The following SSBP2 variants were observed in gnomAD, a reference collection of about 807,000 sequenced individuals.
SSBP2 encodes the protein single stranded DNA binding protein 2.
SSBP2 carries 17 observed loss-of-function variants against 61.8 expected under a neutral mutation model. That is an observed-to-expected ratio of 0.28 (90% CI 0.19 to 0.41). The LOEUF is 0.41. SSBP2 is among the 10% of genes least tolerant of loss of function. The pLI is 1.00. For synonymous variants in SSBP2, 139 were observed against 141.3 expected, an observed-to-expected ratio of 0.98 and a Z score of 0.12; for missense variants, 310 against 458.7, an observed-to-expected ratio of 0.68 and a Z score of 2.96.
chr5:81,705,828 A>C (rs1168161238), intron 1 of SSBP2, among the ~76,000 whole-genome samples: 2 of 152,226 alleles, frequency 1.3e-5, no homozygotes, highest in East Asian at 3.8e-4. Context: ...ATGTTATATT[A>C]AAAAGTCAAA....
chr5:81,558,322 G>A lies in SSBP2; in HGVS notation c.283-44605C>T, dbSNP rs537559166. On this transcript the variant is annotated intron_variant, in intron 4 of 16. Transcript: ENST00000320672. ...AAACAATAAACATTTATTTCTGTCA[G>A]TTCTGGAGGCTATGAAGTCCAAGAT... is the stretch of plus-strand genomic sequence containing the variant. Among the ~76,000 whole-genome samples, 16 of 152,280 alleles carry A rather than the reference G, an allele frequency of 1.1e-4. No homozygotes were observed. The South Asian group carries it at 3.3e-3, about 32-fold the overall frequency.
chr5:81,480,012 C>T (rs1381247278), intron 6 of SSBP2, among the ~76,000 whole-genome samples: 1 of 152,170 alleles, frequency 6.6e-6, no homozygotes, highest in African/African-American at 2.4e-5. Context: ...TCACCATTTT[C>T]TGTCTTCCAT....
chr5:81,523,651 T>C (rs1007844052), intron 4 of SSBP2, among the ~76,000 whole-genome samples: 3 of 152,076 alleles, frequency 2.0e-5, no homozygotes, highest in Non-Finnish European at 4.4e-5. Flanking sequence ...TGTTCAGCTC[T>C]CAAGAAGCAT....
chr5:81,466,937 C>A (rs1239564040), intron 9 of SSBP2, 37 bp downstream of exon 9: 28 of 1,214,206 alleles, frequency 2.3e-5, no homozygotes, highest in Non-Finnish European at 3.2e-5. Context: ...AAATATCATC[C>A]ACGTAATAAT....
intron 16 of SSBP2, among the ~76,000 whole-genome samples, 168 bp from the exon 17 acceptor site, chr5:81,420,701 A>G (rs1761550055): frequency 6.6e-6 from 1 of 152,242 alleles, no homozygotes; most frequent in African/African-American, 2.4e-5. Flanking sequence ...GTAAAATGAT[A>G]CAGACTTAAC....
At chr5:81,668,266 A>C (rs2153776892) in intron 1 of SSBP2, among the ~76,000 whole-genome samples, 1 of 151,092 alleles carries the variant, frequency 6.6e-6, no homozygotes, top group South Asian at 2.1e-4. Flanking sequence ...AAAAAAAAAA[A>C]AAAAAAACAG....
At chr5:81,535,722 G>C (rs987962658) in intron 4 of SSBP2, among the ~76,000 whole-genome samples, 17 of 151,958 alleles carry the variant, frequency 1.1e-4, no homozygotes, top group African/African-American at 4.1e-4. Flanking sequence ...AGAGAAAAAT[G>C]AATCTAAACA....
intron 4 of SSBP2, among the ~76,000 whole-genome samples, chr5:81,602,659 G>A (rs1033136117): frequency 6.6e-6 from 1 of 151,936 alleles, no homozygotes; most frequent in East Asian, 1.9e-4. Context: ...TTTTTTGCTT[G>A]AGAACCCTTT....
chr5:81,447,667 T>C (rs1763491090), intron 11 of SSBP2, among the ~76,000 whole-genome samples: 1 of 152,210 alleles, frequency 6.6e-6, no homozygotes, highest in Non-Finnish European at 1.5e-5. Flanking sequence ...CTGCCAATTA[T>C]TTCAGACGAG....
At position 81,439,263 on chromosome 5, in the gene SSBP2, T is replaced by C. The variant is rs534044609; in HGVS notation, c.928+1295A>G. Among the ~76,000 whole-genome samples, 179 of 152,260 alleles carry C rather than the reference T, an allele frequency of 1.2e-3. 1 individual carries two copies. Among genetic ancestry groups the C allele is most frequent in the Non-Finnish European group, 2.0e-3 (136 of 68,012 alleles). Reference sequence around the variant, plus strand: ...AAAAAAATCATAACTCCCATCCCCATTGTCAACTTTTAAATTAGTTTATGG... The same window carrying C: ...AAAAAAATCATAACTCCCATCCCCACTGTCAACTTTTAAATTAGTTTATGG... On this transcript the variant is annotated intron_variant, in intron 14 of 16. Transcript: ENST00000320672.
chr5:81,608,005 G>C (rs940234317), intron 4 of SSBP2, among the ~76,000 whole-genome samples: 1 of 152,074 alleles, frequency 6.6e-6, no homozygotes, highest in African/African-American at 2.4e-5. Flanking sequence ...ATTTTCCCTT[G>C]TTTTCATGCT....
In SSBP2 at chr5:81,696,732, T is replaced by C. The variant is rs142568449; in HGVS notation, c.63-46393A>G. ...ATACCACCTTTTGAAAGGCAACCTATTTACACACTGGGTGGGCAGAGGGGG... is the reference window on the plus strand; with the variant it reads ...ATACCACCTTTTGAAAGGCAACCTACTTACACACTGGGTGGGCAGAGGGGG... On this transcript the variant is annotated intron_variant, in intron 1 of 16. Transcript: ENST00000320672. Among the ~76,000 whole-genome samples the C allele has an allele frequency of 6.2e-3, 950 of 152,314 alleles. 6 individuals carry two copies. The highest frequency in any genetic ancestry group is 0.021 in the African/African-American group (856 of 41,562).
intron 4 of SSBP2, among the ~76,000 whole-genome samples, chr5:81,544,594 T>C (rs750855182): frequency 2.6e-5 from 4 of 152,332 alleles, no homozygotes; most frequent in East Asian, 1.9e-4. Flanking sequence ...AAAGGAATCA[T>C]TGTGGTTTTG....
chr5:81,686,873 GAAAAGAAAAGAAAA>G (rs1752842728), intron 1 of SSBP2, among the ~76,000 whole-genome samples: 1 of 15,718 alleles, frequency 6.4e-5, no homozygotes, highest in Non-Finnish European at 1.1e-4. Flanking sequence ...AAAAAAAAAA[GAAAAGAAAAGAAAA>G]GAAAAGAAAA....
chr5:81,578,303 A>G (rs1169925021), intron 4 of SSBP2, among the ~76,000 whole-genome samples: 1 of 152,014 alleles, frequency 6.6e-6, no homozygotes, highest in African/African-American at 2.4e-5. Context: ...CAGCACTTCT[A>G]TAAAGTACCC....
chr5:81,576,069 A>T (rs577698765), intron 4 of SSBP2, among the ~76,000 whole-genome samples: 1 of 152,170 alleles, frequency 6.6e-6, no homozygotes, highest in Non-Finnish European at 1.5e-5. Context: ...CAGCGATATT[A>T]TCATATGCCT....
At chr5:81,593,361 C>T (rs547245978) in intron 4 of SSBP2, among the ~76,000 whole-genome samples, 1 of 152,284 alleles carries the variant, frequency 6.6e-6, no homozygotes, top group South Asian at 2.1e-4. Flanking sequence ...AAATCTACGT[C>T]TGATTGGTGT....
intron 4 of SSBP2, among the ~76,000 whole-genome samples, chr5:81,614,107 T>C (rs1745742772): frequency 6.6e-6 from 1 of 152,148 alleles, no homozygotes; most frequent in African/African-American, 2.4e-5. Context: ...ACGCCTGTAA[T>C]CCCAGCACTT....
At chr5:81,464,154 T>C (rs1764736805) in intron 9 of SSBP2, among the ~76,000 whole-genome samples, 2 of 152,188 alleles carry the variant, frequency 1.3e-5, no homozygotes, top group Admixed American at 1.3e-4. Context: ...CAGGATATAA[T>C]ACAGAATAAG....
Sources: allele counts gnomAD v4.1 joint callset (sites outside exome capture counted in the v4.1 genomes callset), GRCh38; gene constraint gnomAD v4.1.1; transcripts MANE v1.5; gene names NCBI Gene and HGNC (gene_info 2026-07-23, HGNC 2026-07-21).